The following PLEKHG7 variants were observed in gnomAD, a reference collection of about 807,000 sequenced individuals.
The protein encoded by PLEKHG7 is pleckstrin homology domain-containing family G member 7.
In PLEKHG7, 77 loss-of-function variants were observed where a neutral mutation model predicts 85.2. The observed-to-expected ratio is 0.90, with a 90% CI of 0.75 to 1.09. The LOEUF is 1.09. Among genes scored for constraint, PLEKHG7 ranks in the 50% least tolerant of loss-of-function variants. PLEKHG7 has a pLI of 0.00. For missense variants in PLEKHG7, 777 were observed against 804.3 expected (o/e 0.97, Z 0.41); for synonymous variants, 301 against 302.4 (o/e 1.00, Z 0.05).
chr12:92,758,028 C>T (rs182554428), intron 13 of PLEKHG7, among the ~76,000 whole-genome samples: 1 of 152,220 alleles, frequency 6.6e-6, no homozygotes, highest in Admixed American at 6.5e-5. Context: ...ACCCACCCCC[C>T]ACTTTCATTT....
chr12:92,766,381 C>T (rs1475460376), intron 15 of PLEKHG7, among the ~76,000 whole-genome samples: 11 of 152,164 alleles, frequency 7.2e-5, no homozygotes, highest in Non-Finnish European at 2.9e-5. Flanking sequence ...TGCCAGAACA[C>T]CCATGAGGAA....
chr12:92,717,968 G>A (rs1471369192), intron 3 of PLEKHG7, among the ~76,000 whole-genome samples: 1 of 152,152 alleles, frequency 6.6e-6, no homozygotes, highest in Non-Finnish European at 1.5e-5. Context: ...CCTCCCACAT[G>A]TAAGTCATTG....
At chr12:92,711,743 C>A (rs1208541988) in intron 3 of PLEKHG7, among the ~76,000 whole-genome samples, 1 of 152,238 alleles carries the variant, frequency 6.6e-6, no homozygotes, top group Non-Finnish European at 1.5e-5. Context: ...CTGTCTGCCA[C>A]TGACACCTTA....
At chr12:92,757,681 G>T (rs1190133022) in intron 13 of PLEKHG7, among the ~76,000 whole-genome samples, 2 of 152,156 alleles carry the variant, frequency 1.3e-5, no homozygotes, top group Non-Finnish European at 2.9e-5. Flanking sequence ...GGGAGGTTCT[G>T]TATCATGCCC....
At chr12:92,724,907 A>G (rs1462912394) in intron 3 of PLEKHG7, among the ~76,000 whole-genome samples, 1 of 152,138 alleles carries the variant, frequency 6.6e-6, no homozygotes, top group Non-Finnish European at 1.5e-5. Context: ...AGGAAAGAGC[A>G]TGCACATTGA....
At chr12:92,765,597 T>C (rs920727057) in intron 15 of PLEKHG7, among the ~76,000 whole-genome samples, 1 of 147,822 alleles carries the variant, frequency 6.8e-6, no homozygotes, top group African/African-American at 2.5e-5. Flanking sequence ...CCATTGCACT[T>C]CAGCCTGGGC....
intron 10 of PLEKHG7, among the ~76,000 whole-genome samples, chr12:92,746,598 A>G (rs1872539200): frequency 6.6e-6 from 1 of 152,218 alleles, no homozygotes; most frequent in South Asian, 2.1e-4. Context: ...CTGATGGATT[A>G]CACTCTTAGC....
At chr12:92,752,902 G>T (rs140545839) in intron 10 of PLEKHG7, among the ~76,000 whole-genome samples, 2 of 152,048 alleles carry the variant, frequency 1.3e-5, no homozygotes, top group Non-Finnish European at 2.9e-5. Flanking sequence ...CTGTCTTCTC[G>T]CTGTAGCCTC....
chr12:92,745,533 C>T lies in PLEKHG7; in HGVS notation c.1193C>T (p.Ala398Val). 2.5e-6 allele frequency: 4 copies of T among 1,614,010 alleles called. No individual in the cohort carries two copies. Among genetic ancestry groups the T allele is most frequent in the Non-Finnish European group, 3.4e-6 (4 of 1,179,920 alleles). ...SHQTYCLNYS[A>V]AIFYLESLRQ... is the part of the protein sequence containing the mutation. ...CAGACCTACTGCCTGAACTATTCAGCTGCTATCTTTTATCTTGAGAGCCTG... is the reference window on the plus strand; with the variant it reads ...CAGACCTACTGCCTGAACTATTCAGTTGCTATCTTTTATCTTGAGAGCCTG... Residue 398 changes from alanine (A) to valine (V), a missense_variant, in exon 10 of 17, where the codon GCT becomes GTT. Ala to Val is a moderately conservative substitution (Grantham distance 64). Around this residue, in one of 3 missense-constraint regions of PLEKHG7, gnomAD observed 520 missense variants for 544.0 expected, o/e 0.96. Coordinates refer to ENST00000344636, the MANE Select transcript of PLEKHG7 (RefSeq NM_001377329.1).
rs745329140 is a variant in PLEKHG7 at position 92,707,029 on chromosome 12, T to A, written c.398T>A (p.Leu133His). ...EPQTRPTDKYLPPELQPVNEG... is the reference protein window; with the variant it reads ...EPQTRPTDKYHPPELQPVNEG... ...CAAACCCGGCCCACTGACAAGTATC[T>A]CCCTCCTGAGCTTCAGCCTGTCAAT... Residue 133 changes from leucine to histidine, a missense_variant, in exon 2 of 17, where the codon CTC (leucine) becomes CAC (histidine). Coordinates refer to ENST00000344636, the MANE Select transcript of PLEKHG7 (RefSeq NM_001377329.1). The A allele has an allele frequency of 4.3e-6, 7 of 1,613,884 alleles. No homozygotes were observed. In the South Asian group the frequency reaches 7.7e-5, roughly 18 times the overall value.
At chr12:92,760,060 G>A (rs1305692116) in intron 13 of PLEKHG7, among the ~76,000 whole-genome samples, 2 of 152,148 alleles carry the variant, frequency 1.3e-5, no homozygotes, top group Non-Finnish European at 2.9e-5. Context: ...TCTACCCAGT[G>A]AGAAGGAGAG....
At chr12:92,767,313 G>A (rs1333516214) in intron 15 of PLEKHG7, among the ~76,000 whole-genome samples, 2 of 152,124 alleles carry the variant, frequency 1.3e-5, no homozygotes, top group Admixed American at 1.3e-4. Context: ...TATTTATAAA[G>A]TCCCTTGTAC....
chr12:92,728,940 A>C lies in PLEKHG7; in HGVS notation c.531-53A>C, dbSNP rs139952723. The stretch of plus-strand genomic sequence containing the variant: ...TTACTTTTTAAAAATAGCCATTCTG[A>C]GTGGTCTAAGATGATATTTCGGTGT... On this transcript the variant is annotated intron_variant, in intron 3 of 16. Transcript: ENST00000344636. The C allele has an allele frequency of 1.0e-4, 125 of 1,192,312 alleles. 1 individual carries two copies. The African/African-American group carries it at 1.8e-3, about 18-fold the overall frequency. The allele number at this position is 1,192,312 out of a possible 1,614,324, so 73.9% of individuals were successfully genotyped here.
chr12:92,761,672 AAGAAAGAAAG>A, intron 13 of PLEKHG7, 70 bp from the exon 14 acceptor site: 1 of 1,265,948 alleles, frequency 7.9e-7, no homozygotes, highest in Non-Finnish European at 1.0e-6. Flanking sequence ...GAAAGAAAGA[AAGAAAGAAAG>A]AAAGGGAAAG....
chr12:92,755,458 A>G (rs564158500), intron 11 of PLEKHG7, among the ~76,000 whole-genome samples: 51 of 152,146 alleles, frequency 3.4e-4, no homozygotes, highest in African/African-American at 1.2e-3. Flanking sequence ...GATTGGGACA[A>G]AAACATATGT....
Position 92,771,583 on chromosome 12 carries a change from A to C in PLEKHG7, c.*1388A>C, listed in dbSNP as rs1337110897. The C allele has an allele frequency of 6.6e-6, 1 of 152,096 alleles. No homozygotes were observed. Among genetic ancestry groups the C allele is most frequent in the Admixed American group, 6.6e-5 (1 of 15,248 alleles). 9.4% of individuals were successfully genotyped at this position (152,096 alleles called of 1,614,324 possible). Reference sequence around the variant, plus strand: ...AGGGGAGAATAGACTTCAAGCTTCAAGTGAATTCCTAGAGATGGCATCTGG... The same window carrying C: ...AGGGGAGAATAGACTTCAAGCTTCACGTGAATTCCTAGAGATGGCATCTGG... On this transcript the variant is annotated 3_prime_UTR_variant, in exon 17 of 17. Transcript: ENST00000344636.
chr12:92,721,167 T>G (rs1354687177), intron 3 of PLEKHG7, among the ~76,000 whole-genome samples: 1 of 152,186 alleles, frequency 6.6e-6, no homozygotes, highest in Non-Finnish European at 1.5e-5. Context: ...GCCAGCTGAT[T>G]TTAAATTAGA....
At chr12:92,742,501 A>C (rs1232871990) in intron 9 of PLEKHG7, among the ~76,000 whole-genome samples, 1 of 152,170 alleles carries the variant, frequency 6.6e-6, no homozygotes, top group Non-Finnish European at 1.5e-5. Context: ...AAGAGTTTTA[A>C]CAAGGCAAAA....
intron 3 of PLEKHG7, among the ~76,000 whole-genome samples, chr12:92,709,144 T>A (rs1470671029): frequency 2.6e-5 from 4 of 152,230 alleles, no homozygotes; most frequent in Non-Finnish European, 5.9e-5. Flanking sequence ...GGGATTTAGA[T>A]GCAAGTAGAC....
Sources: gnomAD v4.1 joint callset for allele counts (sites outside exome capture counted in the v4.1 genomes callset) on GRCh38, gnomAD v4.1.1 for gene constraint, gnomAD v4.1.1 regional missense constraint, MANE v1.5 for transcripts, NCBI Gene and HGNC (gene_info 2026-07-23, HGNC 2026-07-21) for gene names.